The following SPATS2 variants were observed in gnomAD, a reference collection of about 807,000 sequenced individuals.
SPATS2 encodes spermatogenesis-associated serine-rich protein 2.
A neutral mutation model predicts 63.7 loss-of-function variants in SPATS2; 38 were observed. The observed-to-expected ratio is 0.60, with a 90% confidence interval of 0.46 to 0.78. The LOEUF (loss-of-function observed/expected upper bound fraction) is 0.78. SPATS2 is among the 30% of genes least tolerant of loss of function. The pLI is 0.00. For synonymous variants in SPATS2, 207 were observed against 232.9 expected (o/e 0.89, Z 1.01); for missense variants, 588 against 666.2 (o/e 0.88, Z 1.29).
intron 3 of SPATS2, chr12:49,462,907 A>T (rs193082143): frequency 2.7e-4 from 42 of 157,712 alleles, no homozygotes; most frequent in Non-Finnish European, 5.3e-4. Flanking sequence ...TGGGTGGTTT[A>T]GGAAAAGGCA....
intron 2 of SPATS2, chr12:49,389,839 T>C: frequency 1.1e-6 from 1 of 877,708 alleles, no homozygotes; most frequent in Non-Finnish European, 2.0e-6. Flanking sequence ...CGAGAACAAA[T>C]GGTTAGATTG....
chr12:49,450,807 G>T lies in SPATS2; in HGVS notation c.-243-9963G>T, dbSNP rs1345357934. Among the ~76,000 whole-genome samples, 4 of 151,800 alleles carry T rather than the reference G, an allele frequency of 2.6e-5. No homozygotes were observed. The East Asian group carries it at 7.7e-4, about 29-fold the overall frequency. Reference sequence around the variant, plus strand: ...GATCCACCTGCCTTGGCCTCCCGAAGTGCTGGAATTACAGGCGCAAGCTAC... The same window carrying T: ...GATCCACCTGCCTTGGCCTCCCGAATTGCTGGAATTACAGGCGCAAGCTAC... On this transcript the variant is annotated intron_variant, in intron 2 of 13. Coordinates refer to ENST00000552918, the MANE Select transcript of SPATS2 (RefSeq NM_023071.4).
chr12:49,392,439 C>T (rs1054036911), intron 2 of SPATS2, among the ~76,000 whole-genome samples: 1 of 152,146 alleles, frequency 6.6e-6, no homozygotes, highest in Non-Finnish European at 1.5e-5. Context: ...ATATTTCAGG[C>T]CAGGGTTGGT....
chr12:49,517,680 C>T (rs1946872966), intron 10 of SPATS2, among the ~76,000 whole-genome samples: 1 of 152,146 alleles, frequency 6.6e-6, no homozygotes, highest in Non-Finnish European at 1.5e-5. Context: ...CCCTAGGCTC[C>T]AGTCGAGAAG....
intron 2 of SPATS2, among the ~76,000 whole-genome samples, chr12:49,395,604 T>C (rs1418578218): frequency 1.3e-5 from 2 of 151,466 alleles, no homozygotes; most frequent in Admixed American, 1.3e-4. Context: ...TTTTGTATTT[T>C]TATTAGAGAT....
intron 8 of SPATS2, among the ~76,000 whole-genome samples, chr12:49,498,118 C>T (rs1946494216): frequency 8.7e-6 from 1 of 114,842 alleles, no homozygotes; most frequent in African/African-American, 4.0e-5. Flanking sequence ...AGGTTTGAGA[C>T]TATCCAATCA....
chr12:49,518,865 T>A (rs1010117602), intron 10 of SPATS2, among the ~76,000 whole-genome samples: 4 of 152,232 alleles, frequency 2.6e-5, no homozygotes, highest in African/African-American at 9.6e-5. Flanking sequence ...TTTATGAGTG[T>A]TTGTGATTTA....
chr12:49,371,839 C>T (rs1425131035), intron 2 of SPATS2, among the ~76,000 whole-genome samples: 1 of 152,020 alleles, frequency 6.6e-6, no homozygotes, highest in Non-Finnish European at 1.5e-5. Context: ...CATGAGAAAC[C>T]ACCCCAATAT....
chr12:49,400,743 T>C (rs1592361516), intron 2 of SPATS2, among the ~76,000 whole-genome samples: 1 of 152,158 alleles, frequency 6.6e-6, no homozygotes, highest in East Asian at 1.9e-4. Context: ...GCATAAAATG[T>C]ACCAAATAGA....
chr12:49,421,133 G>T (rs1944973448), intron 2 of SPATS2, among the ~76,000 whole-genome samples: 1 of 152,078 alleles, frequency 6.6e-6, no homozygotes, highest in African/African-American at 2.4e-5. Context: ...AAAATTCTTT[G>T]CATTGGCCGG....
chr12:49,490,641 G>C, intron 5 of SPATS2, 41 bp from the exon 6 acceptor site: 1 of 1,588,636 alleles, frequency 6.3e-7, no homozygotes, highest in South Asian at 1.1e-5. Flanking sequence ...ACTACTGTGT[G>C]TGTGGTAGGA....
intron 6 of SPATS2, 104 bp downstream of exon 6, chr12:49,490,835 G>A: frequency 9.2e-7 from 1 of 1,081,532 alleles, no homozygotes; most frequent in Non-Finnish European, 1.3e-6. Context: ...CATATCTTCT[G>A]TTTACCTGGT....
At chr12:49,498,145 A>AAAATATATATATATATATATATAT (rs66900382) in intron 8 of SPATS2, among the ~76,000 whole-genome samples, 65 of 98,930 alleles carry the variant, frequency 6.6e-4, no homozygotes, top group Non-Finnish European at 9.8e-4. Flanking sequence ...AAAAAAAAAA[A>AAAATATATATATATATATATATAT]ATATATATAT....
At chr12:49,399,972 C>T (rs1214203455) in intron 2 of SPATS2, among the ~76,000 whole-genome samples, 5 of 152,222 alleles carry the variant, frequency 3.3e-5, no homozygotes, top group Admixed American at 3.3e-4. Flanking sequence ...GGAGGCGGAG[C>T]TTGCAGTGAG....
intron 2 of SPATS2, among the ~76,000 whole-genome samples, chr12:49,380,347 C>A (rs1944193340): frequency 6.6e-6 from 1 of 151,960 alleles, no homozygotes; most frequent in Non-Finnish European, 1.5e-5. Context: ...CTCTTTATGG[C>A]TAAATACTAG....
chr12:49,459,732 A>C (rs1592419298), intron 2 of SPATS2, among the ~76,000 whole-genome samples: 20 of 88,914 alleles, frequency 2.2e-4, no homozygotes, highest in Admixed American at 6.0e-4. Flanking sequence ...TGTGTTTCTC[A>C]TTTCACGTCC....
chr12:49,422,461 C>T (rs1945000180), intron 2 of SPATS2, among the ~76,000 whole-genome samples: 1 of 152,086 alleles, frequency 6.6e-6, no homozygotes, highest in African/African-American at 2.4e-5. Context: ...TTTGGTATGA[C>T]CTCCTTAATC....
At chr12:49,389,535 A>T in intron 2 of SPATS2, 1 of 949,922 alleles carries the variant, frequency 1.1e-6, no homozygotes, top group South Asian at 1.3e-5. Context: ...ACAATTGAGA[A>T]GGCACTTGCT....
intron 3 of SPATS2, among the ~76,000 whole-genome samples, chr12:49,470,295 G>A (rs1946012650): frequency 6.6e-6 from 1 of 152,124 alleles, no homozygotes; most frequent in Non-Finnish European, 1.5e-5. Flanking sequence ...GCCTCCCAAA[G>A]TGCTGGAATT....
Sources: gnomAD v4.1 joint callset for allele counts (sites outside exome capture counted in the v4.1 genomes callset) on GRCh38, gnomAD v4.1.1 for gene constraint, MANE v1.5 for transcripts, NCBI Gene and HGNC (gene_info 2026-07-23, HGNC 2026-07-21) for gene names.